Variants in PLCH1 observed in about 807,000 individuals in gnomAD.
The protein encoded by PLCH1 is 1-phosphatidylinositol 4,5-bisphosphate phosphodiesterase eta-1.
Under a neutral mutation model 126.7 loss-of-function variants are expected in PLCH1, and 60 were observed. The ratio of observed to expected loss-of-function variants is 0.47; its 90% CI spans 0.38 to 0.59. The LOEUF is 0.59. Among genes scored for constraint, PLCH1 ranks in the 20% least tolerant of loss-of-function variants. PLCH1 has a pLI of 0.00. For missense variants in PLCH1, 1,723 were observed against 2,040.0 expected (o/e 0.84, Z 2.99); for synonymous variants, 719 against 734.9 (o/e 0.98, Z 0.35).
chr3:155,613,008 G>T (rs142521000), intron 2 of PLCH1, among the ~76,000 whole-genome samples: 71 of 151,486 alleles, frequency 4.7e-4, no homozygotes, highest in African/African-American at 1.6e-3. Context: ...ATCATTCAAG[G>T]TTCCCATGAA....
chr3:155,525,201 A>C (rs1721736894), intron 10 of PLCH1, among the ~76,000 whole-genome samples: 1 of 152,070 alleles, frequency 6.6e-6, no homozygotes, highest in Non-Finnish European at 1.5e-5. Flanking sequence ...ACAACAAACT[A>C]CCATTCCATC....
chr3:155,690,117 C>A (rs1745264087), intron 2 of PLCH1, among the ~76,000 whole-genome samples: 1 of 151,226 alleles, frequency 6.6e-6, no homozygotes, highest in Non-Finnish European at 1.5e-5. Flanking sequence ...TCAGTGGGAA[C>A]CTTACAAGCC....
In PLCH1 at chr3:155,490,804, G is replaced by T; in HGVS notation, c.2372C>A (p.Thr791Asn). 1 of 1,585,838 alleles carries T rather than the reference G, an allele frequency of 6.3e-7. No homozygotes were observed. Among genetic ancestry groups the T allele is most frequent in the Non-Finnish European group, 8.7e-7 (1 of 1,154,720 alleles). Residue 791 changes from threonine (T) to asparagine (N), a missense_variant, in exon 19 of 23, where the codon ACC (threonine) becomes AAC (asparagine). By Grantham distance (65) the Thr-to-Asn change is moderately conservative (BLOSUM62 0). Transcript: ENST00000460012. ...GLPVDCCKDQTRVVDDNGFNP... is the reference protein window; with the variant it reads ...GLPVDCCKDQNRVVDDNGFNP... ...CTTACCATTGTCATCTACCACACGG[G>T]TTTGATCTTTACAACAATCTACTGG...
At chr3:155,614,707 G>C (rs1031110561) in intron 2 of PLCH1, among the ~76,000 whole-genome samples, 11 of 152,282 alleles carry the variant, frequency 7.2e-5, no homozygotes, top group African/African-American at 2.6e-4. Context: ...TCAACAAATA[G>C]TGCTGGGATA....
chr3:155,693,253 C>G (rs1287211710), intron 2 of PLCH1, among the ~76,000 whole-genome samples: 1 of 31,028 alleles, frequency 3.2e-5, no homozygotes, highest in Non-Finnish European at 4.7e-5. Context: ...ATCATGAGGT[C>G]AGGAGATCGA....
At chr3:155,489,917 GAGA>G (rs977502220) in intron 19 of PLCH1, among the ~76,000 whole-genome samples, 26 of 152,106 alleles carry the variant, frequency 1.7e-4, no homozygotes, top group Non-Finnish European at 3.4e-4. Context: ...TCTTGAATCA[GAGA>G]AGATCTTTTT....
At chr3:155,692,024 T>C (rs412002) in intron 2 of PLCH1, among the ~76,000 whole-genome samples, 58,599 of 150,100 alleles carry the variant, frequency 0.39, 11,828 homozygotes, top group East Asian at 0.52. Flanking sequence ...AGCGAGACTC[T>C]GTCTAAAAAA....
At position 155,458,385 on chromosome 3, in the gene PLCH1, A is replaced by AGAAGGAAG. The variant is rs781003032; in HGVS notation, c.2938+26963_2938+26970dup. Among the ~76,000 whole-genome samples the AGAAGGAAG allele has an allele frequency of 1.1e-3, 43 of 38,858 alleles. 1 individual carries two copies. The highest frequency in any genetic ancestry group is 1.6e-3 in the Admixed American group (6 of 3,754). 25.5% of individuals were successfully genotyped at this position (38,858 alleles called of 152,430 possible). The stretch of plus-strand genomic sequence containing the variant: ...AAAGAAAGAAGAAAGAAAGAAAGAA[A>AGAAGGAAG]GAAGGAAGGAAGGAAGGAAGGAAGG... On this transcript the variant is annotated intron_variant, in intron 21 of 21. Transcript: ENST00000494598.
chr3:155,739,404 G>A, intron 1 of PLCH1, among the ~76,000 whole-genome samples: 1 of 152,196 alleles, frequency 6.6e-6, no homozygotes, highest in East Asian at 1.9e-4. Flanking sequence ...TGGTAAGTGA[G>A]CAAGTCGATG....
At chr3:155,734,169 C>A (rs1424409708) in intron 1 of PLCH1, among the ~76,000 whole-genome samples, 2 of 151,746 alleles carry the variant, frequency 1.3e-5, no homozygotes, top group South Asian at 4.2e-4. Flanking sequence ...CTCGAAAAAT[C>A]AAAAATAGGA....
intron 2 of PLCH1, among the ~76,000 whole-genome samples, chr3:155,626,857 A>C (rs931766433): frequency 1.3e-5 from 2 of 151,744 alleles, no homozygotes; most frequent in African/African-American, 4.8e-5. Flanking sequence ...CATTCAAAAC[A>C]ATAGGCTAGG....
At chr3:155,530,653 C>A (rs9811590) in intron 10 of PLCH1, among the ~76,000 whole-genome samples, 1,535 of 152,286 alleles carry the variant, frequency 0.01, 32 homozygotes, top group African/African-American at 0.035. Context: ...TTGAACCCCT[C>A]AACGTCATCC....
At position 155,594,172 on chromosome 3, in the gene PLCH1, G is replaced by A. The variant is rs753893161; in HGVS notation, c.239C>T (p.Ser80Phe). 2.5e-6 allele frequency: 4 copies of A among 1,613,690 alleles called. No individual in the cohort carries two copies. Among genetic ancestry groups the A allele is most frequent in the Non-Finnish European group, 2.5e-6 (3 of 1,179,722 alleles). The change falls in exon 4 of 23, where the codon TCC (serine) becomes TTC (phenylalanine). Residue 80 changes from serine (S) to phenylalanine (F), a missense_variant. Transcript: ENST00000460012. ...CCGGCCCTCAGTCACTTTGTAAATG[G>A]AATCAATAAGTACTGTGAGGAAAAT... ...KSEKAKILID[S>F]IYKVTEGRQS...
In PLCH1 at chr3:155,481,720, G is replaced by A; in HGVS notation, c.4306C>T (p.His1436Tyr). 1 of 1,614,164 alleles carries A rather than the reference G, an allele frequency of 6.2e-7. No homozygotes were observed. The highest frequency in any genetic ancestry group is 8.5e-7 in the Non-Finnish European group (1 of 1,180,018). Residue 1436 changes from histidine to tyrosine, a missense_variant, in exon 23 of 23, where the codon CAT becomes TAT. By Grantham distance (83) the His-to-Tyr change is moderately conservative. Transcript: ENST00000460012. The surrounding 1 kb of genome is among the most constrained non-coding windows in gnomAD (Gnocchi z 4.2). ...GCATCTGAATCTGAGAAATGATTAT[G>A]CACAAAGCCAGCACCCTGATAGGCT... ...YLAYQGAGFVHNHFSDSDAKM... is the reference protein window; with the variant it reads ...YLAYQGAGFVYNHFSDSDAKM...
chr3:155,491,296 C>T (rs549746854), intron 18 of PLCH1, among the ~76,000 whole-genome samples: 2 of 152,248 alleles, frequency 1.3e-5, no homozygotes, highest in Admixed American at 6.5e-5. Context: ...TAGGGTCTTA[C>T]TCTGTAGCTC....
intron 10 of PLCH1, among the ~76,000 whole-genome samples, chr3:155,526,375 C>T (rs1238572132): frequency 2.0e-5 from 3 of 151,260 alleles, no homozygotes; most frequent in Non-Finnish European, 4.4e-5. Context: ...CTGGAGCTCT[C>T]TCTCTCTCTC....
chr3:155,486,237 A>G, intron 21 of PLCH1: 6 of 1,399,262 alleles, frequency 4.3e-6, no homozygotes, highest in Non-Finnish European at 3.9e-6. Flanking sequence ...ACACAACAAA[A>G]CACAATTGGG....
At chr3:155,545,478 A>G (rs1324149123) in intron 10 of PLCH1, among the ~76,000 whole-genome samples, 8 of 148,972 alleles carry the variant, frequency 5.4e-5, no homozygotes, top group African/African-American at 2.0e-4. Flanking sequence ...AACTGGTACC[A>G]TTCCTTCTGA....
intron 19 of PLCH1, among the ~76,000 whole-genome samples, chr3:155,490,315 C>T (rs941427252): frequency 8.5e-5 from 13 of 152,068 alleles, no homozygotes; most frequent in Non-Finnish European, 1.6e-4. Flanking sequence ...GCTGCCCCTC[C>T]AATCGTATGT....
Sources: allele counts gnomAD v4.1 joint callset (sites outside exome capture counted in the v4.1 genomes callset), GRCh38; gene constraint gnomAD v4.1.1; non-coding constraint Gnocchi (gnomAD v3.1); transcripts MANE v1.5; gene names NCBI Gene and HGNC (gene_info 2026-07-23, HGNC 2026-07-21).